The following MIS18A variants were observed in gnomAD, a reference collection of about 807,000 sequenced individuals.
The protein encoded by MIS18A is protein Mis18-alpha.
A neutral mutation model predicts 25.0 loss-of-function variants in MIS18A; 14 were observed. That is an observed-to-expected ratio of 0.56 (90% CI 0.37 to 0.88). MIS18A has a LOEUF of 0.88. Ranked by LOEUF, MIS18A falls within the 40% of genes least tolerant of loss-of-function variation. The pLI, the probability that MIS18A is intolerant of heterozygous loss-of-function variation, is 0.00. For missense variants in MIS18A, 292 were observed against 290.8 expected (o/e 1.00, Z -0.03); for synonymous variants, 134 against 118.6 (o/e 1.13, Z -0.84).
chr21:32,178,057 C>T, the MIS18A span, among the ~76,000 whole-genome samples: 3 of 152,036 alleles, frequency 2.0e-5, no homozygotes, highest in East Asian at 5.8e-4. Context: ...TAGCTGAGAT[C>T]ACATGAGCAT....
chr21:32,236,655 A>G, the MIS18A span, among the ~76,000 whole-genome samples: 1 of 152,172 alleles, frequency 6.6e-6, no homozygotes, highest in Non-Finnish European at 1.5e-5. Flanking sequence ...TTCAGCCAGC[A>G]GCAAGTGGGA....
the MIS18A span, among the ~76,000 whole-genome samples, chr21:32,188,415 A>G: frequency 6.6e-6 from 1 of 152,234 alleles, no homozygotes; most frequent in African/African-American, 2.4e-5. Context: ...GTTACATTGC[A>G]AGAGAGGGAC....
chr21:32,204,460 G>A, the MIS18A span, among the ~76,000 whole-genome samples: 4 of 151,930 alleles, frequency 2.6e-5, no homozygotes, highest in Admixed American at 6.6e-5. Flanking sequence ...TCCCGCCACC[G>A]CACTCCAGCC....
intron 2 of MIS18A, among the ~76,000 whole-genome samples, chr21:32,272,357 G>C (rs2031729246): frequency 6.6e-6 from 1 of 152,210 alleles, no homozygotes; most frequent in South Asian, 2.1e-4. Flanking sequence ...AAATTCACAA[G>C]CATCCCAAAG....
At chr21:32,217,112 T>C in the MIS18A span, among the ~76,000 whole-genome samples, 2 of 151,996 alleles carry the variant, frequency 1.3e-5, no homozygotes, top group Non-Finnish European at 2.9e-5. Context: ...GTATGACCCA[T>C]ACAGGCTGAA....
downstream of MIS18A, among the ~76,000 whole-genome samples, chr21:32,266,837 G>A (rs751508737): frequency 6.6e-6 from 1 of 152,124 alleles, no homozygotes; most frequent in Non-Finnish European, 1.5e-5. Flanking sequence ...CCTTACTCCT[G>A]CTCACAGGCA....
At chr21:32,242,028 G>A in the MIS18A span, among the ~76,000 whole-genome samples, 7 of 152,300 alleles carry the variant, frequency 4.6e-5, no homozygotes, top group East Asian at 5.8e-4. Flanking sequence ...ACAGGCGCCC[G>A]CCACCACGCC....
the MIS18A span, among the ~76,000 whole-genome samples, chr21:32,213,845 T>G: frequency 1.3e-5 from 2 of 152,206 alleles, no homozygotes; most frequent in African/African-American, 4.8e-5. Context: ...TCTGCTTCTG[T>G]GCTCACATCT....
the MIS18A span, among the ~76,000 whole-genome samples, chr21:32,258,488 G>C: frequency 1.3e-5 from 2 of 152,162 alleles, no homozygotes; most frequent in African/African-American, 4.8e-5. Flanking sequence ...CTGTGGTTGT[G>C]AACAGGCTGG....
the MIS18A span, among the ~76,000 whole-genome samples, chr21:32,215,575 T>C: frequency 1.3e-3 from 203 of 152,208 alleles, 1 homozygote; most frequent in African/African-American, 4.8e-3. Flanking sequence ...GATGACAAGC[T>C]GGTATCCATC....
chr21:32,278,654 C>A (rs1423895374), intron 1 of MIS18A, 27 bp downstream of exon 1: 1 of 1,482,996 alleles, frequency 6.7e-7, no homozygotes, highest in South Asian at 1.3e-5. Flanking sequence ...ACCCCACGCC[C>A]CCCCTGCCCG....
chr21:32,181,636 T>G, the MIS18A span, among the ~76,000 whole-genome samples: 3 of 152,174 alleles, frequency 2.0e-5, no homozygotes, highest in South Asian at 4.1e-4. Context: ...GCCCAGATAA[T>G]GGGAACACCA....
chr21:32,174,624 A>C, the MIS18A span, among the ~76,000 whole-genome samples: 1 of 152,216 alleles, frequency 6.6e-6, no homozygotes, highest in African/African-American at 2.4e-5. Flanking sequence ...AAAATATACA[A>C]AACAAAATTG....
At chr21:32,196,602 A>G in the MIS18A span, among the ~76,000 whole-genome samples, 3 of 151,986 alleles carry the variant, frequency 2.0e-5, no homozygotes, top group Admixed American at 6.6e-5. Context: ...CTACAGGTGC[A>G]TGCCACTGTG....
chr21:32,186,880 C>A, the MIS18A span, among the ~76,000 whole-genome samples: 2 of 152,234 alleles, frequency 1.3e-5, no homozygotes, highest in South Asian at 2.1e-4. Flanking sequence ...CCATTCTAAC[C>A]GAGAACAAAG....
chr21:32,161,929 CAG>C, the MIS18A span, among the ~76,000 whole-genome samples: 1 of 152,016 alleles, frequency 6.6e-6, no homozygotes, highest in African/African-American at 2.4e-5. Context: ...GACTCTGACT[CAG>C]AAACTCTACT....
the MIS18A span, among the ~76,000 whole-genome samples, chr21:32,234,461 C>A: frequency 6.6e-6 from 1 of 152,198 alleles, no homozygotes; most frequent in Admixed American, 6.5e-5. Flanking sequence ...ACCAGAAGCT[C>A]TGCTTCTGAG....
At chr21:32,201,744 T>G in the MIS18A span, among the ~76,000 whole-genome samples, 1 of 151,960 alleles carries the variant, frequency 6.6e-6, no homozygotes, top group Non-Finnish European at 1.5e-5. Flanking sequence ...GCCTAGGAGT[T>G]CAAGGTTGCA....
At chr21:32,173,791 G>A in the MIS18A span, among the ~76,000 whole-genome samples, 3 of 151,958 alleles carry the variant, frequency 2.0e-5, no homozygotes, top group African/African-American at 4.8e-5. Context: ...GACTGCTAAC[G>A]GATATGGGGT....
Sources: allele counts gnomAD v4.1 joint callset (sites outside exome capture counted in the v4.1 genomes callset), GRCh38; gene constraint gnomAD v4.1.1; transcripts MANE v1.5; gene names NCBI Gene and HGNC (gene_info 2026-07-23, HGNC 2026-07-21).